The following HECW2 variants were observed in gnomAD, a reference collection of about 807,000 sequenced individuals.
HECW2 encodes HECT, C2 and WW domain containing E3 ubiquitin protein ligase 2, also known as E3 ubiquitin-protein ligase HECW2.
In HECW2, 61 loss-of-function variants were observed where a neutral mutation model predicts 175.2. That is an observed-to-expected ratio of 0.35 (90% CI 0.28 to 0.43). The LOEUF (loss-of-function observed/expected upper bound fraction) is 0.43, where lower values mean the gene tolerates loss of function less well. Among genes scored for constraint, HECW2 ranks in the 20% least tolerant of loss-of-function variants. HECW2 has a pLI of 1.00. For missense variants in HECW2, 1,524 were observed against 2,000.5 expected (o/e 0.76, Z 4.54); for synonymous variants, 671 against 731.0 (o/e 0.92, Z 1.32).
At chr2:196,510,041 C>A (rs1177621071) in intron 1 of HECW2, among the ~76,000 whole-genome samples, 2 of 152,160 alleles carry the variant, frequency 1.3e-5, no homozygotes, top group African/African-American at 2.4e-5. Context: ...CCAAACTTTA[C>A]CACTTTTGGA....
intron 2 of HECW2, among the ~76,000 whole-genome samples, chr2:196,421,525 G>A (rs1695407312): frequency 6.6e-6 from 1 of 152,230 alleles, no homozygotes; most frequent in African/African-American, 2.4e-5. Flanking sequence ...CCTTAAGAAA[G>A]TATAAAAAGC....
At chr2:196,290,993 G>T (rs1391609015) in intron 14 of HECW2, 1 of 152,168 alleles carries the variant, frequency 6.6e-6, no homozygotes, top group African/African-American at 2.4e-5. Context: ...AATCAAGTCA[G>T]TAGTTTCAAT....
chr2:196,538,883 C>T (rs915510391), intron 1 of HECW2, among the ~76,000 whole-genome samples: 3 of 152,232 alleles, frequency 2.0e-5, no homozygotes, highest in South Asian at 4.2e-4. Flanking sequence ...TACCAATCAA[C>T]GCACCACCAC....
intron 2 of HECW2, among the ~76,000 whole-genome samples, chr2:196,385,535 C>T (rs1460883145): frequency 1.3e-5 from 2 of 152,152 alleles, no homozygotes; most frequent in African/African-American, 4.8e-5. Context: ...CCAAAAGCCT[C>T]TTATTAAAAA....
At chr2:196,493,998 G>A (rs1401546015) in intron 1 of HECW2, among the ~76,000 whole-genome samples, 1 of 152,038 alleles carries the variant, frequency 6.6e-6, no homozygotes, top group Non-Finnish European at 1.5e-5. Flanking sequence ...AAACAAAAAG[G>A]GTGTGACTAA....
At chr2:196,296,158 G>GTA (rs1053506438) in intron 13 of HECW2, among the ~76,000 whole-genome samples, 20 of 151,950 alleles carry the variant, frequency 1.3e-4, no homozygotes, top group East Asian at 1.2e-3. Context: ...TTATGTGTGT[G>GTA]TATATATATA....
chr2:196,213,326 C>T (rs925876291), intron 28 of HECW2, among the ~76,000 whole-genome samples: 2 of 152,184 alleles, frequency 1.3e-5, no homozygotes, highest in African/African-American at 4.8e-5. Context: ...GTTCCTAAGC[C>T]TTTCATATAC....
At chr2:196,522,064 T>G (rs1048769689) in intron 1 of HECW2, among the ~76,000 whole-genome samples, 1 of 152,230 alleles carries the variant, frequency 6.6e-6, no homozygotes, top group Admixed American at 6.5e-5. Context: ...CCACACTGAC[T>G]TCCACAATGG....
At chr2:196,267,673 G>C (rs552832446) in intron 17 of HECW2, among the ~76,000 whole-genome samples, 1 of 152,146 alleles carries the variant, frequency 6.6e-6, no homozygotes, top group Non-Finnish European at 1.5e-5. Context: ...CACATAGACA[G>C]GAAGACACAC....
intron 2 of HECW2, among the ~76,000 whole-genome samples, chr2:196,399,473 T>A (rs1266037966): frequency 6.6e-6 from 1 of 152,154 alleles, no homozygotes; most frequent in African/African-American, 2.4e-5. Context: ...TTTTAAGGAT[T>A]CCCCAAAACT....
intron 1 of HECW2, among the ~76,000 whole-genome samples, chr2:196,440,947 C>T (rs1319678628): frequency 6.6e-6 from 1 of 152,144 alleles, no homozygotes; most frequent in African/African-American, 2.4e-5. Flanking sequence ...ATTAGGTCTG[C>T]ACCATGCTGC....
intron 2 of HECW2, among the ~76,000 whole-genome samples, chr2:196,380,347 C>T (rs192619538): frequency 6.6e-6 from 1 of 152,206 alleles, no homozygotes; most frequent in Non-Finnish European, 1.5e-5. Flanking sequence ...AAAATAAGGT[C>T]TCTCCTGGGT....
At chr2:196,340,531 G>T (rs1692708892) in intron 3 of HECW2, among the ~76,000 whole-genome samples, 1 of 147,802 alleles carries the variant, frequency 6.8e-6, no homozygotes. Flanking sequence ...AGGAGGTGGA[G>T]GTTGCAGTGA....
chr2:196,519,653 C>A (rs924193055), intron 1 of HECW2, among the ~76,000 whole-genome samples: 11 of 152,148 alleles, frequency 7.2e-5, no homozygotes, highest in African/African-American at 2.4e-4. Flanking sequence ...AGGATAAATG[C>A]AGATTCATGG....
chr2:196,532,752 T>A (rs1199805331), intron 1 of HECW2, among the ~76,000 whole-genome samples: 1 of 152,168 alleles, frequency 6.6e-6, no homozygotes, highest in Non-Finnish European at 1.5e-5. Context: ...TCAACTACCT[T>A]GCTATCATCT....
chr2:196,583,893 A>AT (rs1303723706), intron 1 of HECW2, among the ~76,000 whole-genome samples: 1 of 152,234 alleles, frequency 6.6e-6, no homozygotes, highest in Non-Finnish European at 1.5e-5. Flanking sequence ...ATGGAAAACA[A>AT]TAACTAGTGT....
intron 1 of HECW2, among the ~76,000 whole-genome samples, chr2:196,506,039 C>T (rs59816233): frequency 0.034 from 5,190 of 152,114 alleles, 301 homozygotes; most frequent in African/African-American, 0.12. Flanking sequence ...GGGATGGGGC[C>T]ACGTGGGTCA....
chr2:196,221,903 T>C (rs1315068366), intron 24 of HECW2, among the ~76,000 whole-genome samples: 1 of 152,232 alleles, frequency 6.6e-6, no homozygotes, highest in Non-Finnish European at 1.5e-5. Context: ...AGTGTGGACT[T>C]TAAAAAACTG....
At position 196,464,538 on chromosome 2, in the gene HECW2, A is replaced by G. The variant is rs540032030; in HGVS notation, c.-35-31080T>C. On this transcript the variant is annotated intron_variant, in intron 1 of 28. Coordinates refer to ENST00000644978, the MANE Select transcript of HECW2 (RefSeq NM_001348768.2). ...AATAAGCAAGAAAGGGGAAAAGCCA[A>G]AGGAAAACCTAAAGTATAACTCCCA... Among the ~76,000 whole-genome samples the G allele has an allele frequency of 2.0e-5, 3 of 152,324 alleles. No homozygotes were observed. In the East Asian group the frequency reaches 5.8e-4, roughly 29 times the overall value.
Sources: gnomAD v4.1 joint callset for allele counts (sites outside exome capture counted in the v4.1 genomes callset) on GRCh38, gnomAD v4.1.1 for gene constraint, MANE v1.5 for transcripts, NCBI Gene and HGNC (gene_info 2026-07-23, HGNC 2026-07-21) for gene names.